Variants in ADAMTS20 observed in about 807,000 individuals in gnomAD.
ADAMTS20 encodes the protein A disintegrin and metalloproteinase with thrombospondin motifs 20.
Under a neutral mutation model 260.1 loss-of-function variants are expected in ADAMTS20, and 225 were observed. The ratio of observed to expected loss-of-function variants is 0.87; its 90% CI spans 0.78 to 0.97. The LOEUF is 0.97. Among genes scored for constraint, ADAMTS20 ranks in the 50% least tolerant of loss-of-function variants. The probability of loss-of-function intolerance (pLI) is 0.00; values close to 1 mark genes in which losing one functional copy is unlikely to be tolerated. For synonymous variants in ADAMTS20, 802 were observed against 769.5 expected, an observed-to-expected ratio of 1.04 and a Z score of -0.70; for missense variants, 2,400 against 2,337.7, an observed-to-expected ratio of 1.03 and a Z score of -0.55.
chr12:43,403,416 T>C (rs1412618473), intron 28 of ADAMTS20, among the ~76,000 whole-genome samples: 1 of 152,074 alleles, frequency 6.6e-6, no homozygotes, highest in African/African-American at 2.4e-5. Context: ...TAAACTATTA[T>C]ATTGATCTGG....
At chr12:43,376,427 CTTTGT>C (rs1940230095) in intron 33 of ADAMTS20, 92 bp downstream of exon 33, 4 of 1,459,818 alleles carry the variant, frequency 2.7e-6, no homozygotes, top group Non-Finnish European at 3.7e-6. Flanking sequence ...ATATCTGACA[CTTTGT>C]TTTGTGGAGT....
In ADAMTS20 at chr12:43,453,627, G is replaced by A. The variant is rs147004176; in HGVS notation, c.1760+280C>T. ...TGTGAAAATGACATTATATAACTGT[G>A]ATTCATATTTATATCTCAAAATTTA... is the stretch of plus-strand genomic sequence containing the variant. On this transcript the variant is annotated intron_variant, in intron 12 of 38. Coordinates refer to ENST00000389420, the MANE Select transcript of ADAMTS20 (RefSeq NM_025003.5). 5.1e-3 allele frequency among the ~76,000 whole-genome samples: 773 copies of A among 151,654 alleles called. 4 individuals are homozygous for A. The highest frequency in any genetic ancestry group is 0.018 in the African/African-American group (739 of 41,368).
At chr12:43,548,313 A>T (rs141919146) in intron 2 of ADAMTS20, among the ~76,000 whole-genome samples, 1 of 152,344 alleles carries the variant, frequency 6.6e-6, no homozygotes, top group East Asian at 1.9e-4. Context: ...TATCAAGTAC[A>T]CAAGGTGACA....
chr12:43,465,569 C>CT (rs1436725450), intron 9 of ADAMTS20, among the ~76,000 whole-genome samples: 2 of 152,020 alleles, frequency 1.3e-5, no homozygotes, highest in Admixed American at 6.6e-5. Context: ...TAAAATAAAT[C>CT]TTTTTTGAAA....
At position 43,552,021 on chromosome 12, in the gene ADAMTS20, C is replaced by A. The variant is rs1943525878; in HGVS notation, c.-100G>T. 9 of 1,004,948 alleles carry A rather than the reference C, an allele frequency of 9.0e-6. No homozygotes were observed. In the East Asian group the frequency reaches 2.3e-4, roughly 25 times the overall value. 62.3% of individuals were successfully genotyped at this position (1,004,948 alleles called of 1,614,324 possible). A position where few individuals can be genotyped will look rare whatever the true frequency, so the allele number is the denominator to read the frequency against. ...CGATCCCTCTCCTCCCTCTCGCCCGCCGCTCTCCGCGCCTCAGCAGCCTAG... is the reference window on the plus strand; with the variant it reads ...CGATCCCTCTCCTCCCTCTCGCCCGACGCTCTCCGCGCCTCAGCAGCCTAG... On this transcript the variant is annotated 5_prime_UTR_variant, in exon 1 of 39. Coordinates refer to ENST00000389420, the MANE Select transcript of ADAMTS20 (RefSeq NM_025003.5).
intron 18 of ADAMTS20, among the ~76,000 whole-genome samples, chr12:43,436,439 A>C (rs1941556529): frequency 6.6e-6 from 1 of 152,246 alleles, no homozygotes; most frequent in Admixed American, 6.5e-5. Flanking sequence ...CACGTTAAAA[A>C]AAAAAGTTAA....
At chr12:43,480,525 G>C (rs1278492492) in intron 7 of ADAMTS20, among the ~76,000 whole-genome samples, 1 of 152,082 alleles carries the variant, frequency 6.6e-6, no homozygotes, top group Non-Finnish European at 1.5e-5. Flanking sequence ...CATAATGGCT[G>C]TAGTAATTTA....
At chr12:43,378,707 A>G (rs1017909979) in intron 31 of ADAMTS20, among the ~76,000 whole-genome samples, 1 of 152,246 alleles carries the variant, frequency 6.6e-6, no homozygotes, top group African/African-American at 2.4e-5. Context: ...TTGGAATGCA[A>G]AGAACCTGGA....
chr12:43,427,207 T>C (rs1356125729), intron 27 of ADAMTS20, 101 bp downstream of exon 27: 1 of 1,316,098 alleles, frequency 7.6e-7, no homozygotes, highest in Non-Finnish European at 1.0e-6. Flanking sequence ...TTTTTCTACA[T>C]AGTATAGTGA....
chr12:43,495,729 TG>T (rs1362724678), intron 4 of ADAMTS20, among the ~76,000 whole-genome samples: 1 of 152,196 alleles, frequency 6.6e-6, no homozygotes, highest in African/African-American at 2.4e-5. Context: ...CACAGTCCTC[TG>T]GGGGTAAAAG....
Position 43,442,124 on chromosome 12 carries a change from C to T in ADAMTS20, c.2290+1667G>A, listed in dbSNP as rs1176709872. Among the ~76,000 whole-genome samples the T allele has an allele frequency of 4.6e-5, 7 of 152,122 alleles. No homozygotes were observed. The South Asian group carries it at 1.0e-3, about 22-fold the overall frequency. The stretch of plus-strand genomic sequence containing the variant: ...AATTTCACTACTTTTAGTTACCAAA[C>T]GTCATAAACATAAATGTTTTAAAAA... On this transcript the variant is annotated intron_variant, in intron 16 of 38. Transcript: ENST00000389420.
At chr12:43,460,947 T>C (rs1942047822) in intron 11 of ADAMTS20, among the ~76,000 whole-genome samples, 2 of 130,214 alleles carry the variant, frequency 1.5e-5, no homozygotes, top group Admixed American at 8.9e-5. Flanking sequence ...GTTGCCTAGA[T>C]AAGAGGCACA....
In ADAMTS20 at chr12:43,432,771, C is replaced by T. The variant is rs185295131; in HGVS notation, c.2761G>A (p.Gly921Ser). 2.5e-6 allele frequency: 4 copies of T among 1,613,852 alleles called. No individual in the cohort carries two copies. Among genetic ancestry groups the T allele is most frequent in the East Asian group, 4.5e-5 (2 of 44,860 alleles). Residue 921 changes from glycine (G) to serine (S), a missense_variant, in exon 20 of 39, where the codon GGT (glycine) becomes AGT (serine). By Grantham distance (56) the Gly-to-Ser change is moderately conservative (BLOSUM62 0). Coordinates refer to ENST00000389420, the MANE Select transcript of ADAMTS20 (RefSeq NM_025003.5). ...ATGTCCAAGGTTCTATATCCTTGAC[C>T]ACATTGGGATGAACATTCACTTTTG... The part of the protein sequence containing the change: ...IGKSECSSQC[G>S]QGYRTLDIHC...
chr12:43,493,325 C>A, intron 4 of ADAMTS20, 72 bp from the exon 5 acceptor site: 2 of 1,083,802 alleles, frequency 1.8e-6, no homozygotes, highest in South Asian at 2.8e-5. Context: ...TTGAAATAGT[C>A]ACAGAGTATC....
At chr12:43,456,751 T>A (rs59672379) in intron 11 of ADAMTS20, among the ~76,000 whole-genome samples, 1 of 152,138 alleles carries the variant, frequency 6.6e-6, no homozygotes, top group South Asian at 2.1e-4. Context: ...TTGGACTGCA[T>A]AGTCTAAGCT....
intron 28 of ADAMTS20, among the ~76,000 whole-genome samples, chr12:43,403,230 A>G (rs1940847558): frequency 6.6e-6 from 1 of 152,112 alleles, no homozygotes; most frequent in Non-Finnish European, 1.5e-5. Flanking sequence ...TGAGGTGCGG[A>G]TTTTTTTGTT....
chr12:43,496,658 A>T (rs1169073323), intron 4 of ADAMTS20, among the ~76,000 whole-genome samples: 1 of 152,100 alleles, frequency 6.6e-6, no homozygotes, highest in Non-Finnish European at 1.5e-5. Context: ...TTTAATATCC[A>T]TGTTGAGGCA....
At chr12:43,416,421 T>C (rs958237831) in intron 28 of ADAMTS20, among the ~76,000 whole-genome samples, 2 of 152,186 alleles carry the variant, frequency 1.3e-5, no homozygotes, top group Non-Finnish European at 2.9e-5. Context: ...TCATTGGTCT[T>C]CTTGACATGG....
intron 28 of ADAMTS20, among the ~76,000 whole-genome samples, chr12:43,408,230 C>A (rs1777494622): frequency 6.6e-6 from 1 of 152,142 alleles, no homozygotes. Flanking sequence ...ACTCCACTCC[C>A]ATCTTACCCC....
Sources: gnomAD v4.1 joint callset for allele counts (sites outside exome capture counted in the v4.1 genomes callset) on GRCh38, gnomAD v4.1.1 for gene constraint, MANE v1.5 for transcripts, NCBI Gene and HGNC (gene_info 2026-07-23, HGNC 2026-07-21) for gene names.